Variants in DLG2 observed in about 807,000 individuals in gnomAD.
The protein encoded by DLG2 is disks large homolog 2.
DLG2 carries 45 observed loss-of-function variants against 132.5 expected under a neutral mutation model. The ratio of observed to expected loss-of-function variants is 0.34; its 90% confidence interval spans 0.27 to 0.44. The LOEUF is 0.44. Ranked by LOEUF, DLG2 falls within the 20% of genes least tolerant of loss-of-function variation. The pLI is 1.00. For missense variants in DLG2, 1,045 were observed against 1,196.9 expected, an observed-to-expected ratio of 0.87 and a Z score of 1.87; for synonymous variants, 424 against 419.6, an observed-to-expected ratio of 1.01 and a Z score of -0.13.
At chr11:85,097,835 G>A (rs1311121455) in intron 6 of DLG2, among the ~76,000 whole-genome samples, 1 of 152,196 alleles carries the variant, frequency 6.6e-6, no homozygotes, top group Admixed American at 6.5e-5. Context: ...TTTGGAGGAG[G>A]AAAGTGGTGA....
intron 6 of DLG2, among the ~76,000 whole-genome samples, chr11:84,914,821 G>T (rs2092351130): frequency 6.6e-6 from 1 of 152,170 alleles, no homozygotes; most frequent in Non-Finnish European, 1.5e-5. Flanking sequence ...GTAAAAATAG[G>T]TTTAATAGAA....
intron 3 of DLG2, among the ~76,000 whole-genome samples, chr11:85,355,524 A>G (rs543826595): frequency 6.6e-6 from 1 of 152,194 alleles, no homozygotes; most frequent in Non-Finnish European, 1.5e-5. Flanking sequence ...TGGTCTAATC[A>G]ACTTTAAATT....
intron 6 of DLG2, among the ~76,000 whole-genome samples, chr11:84,724,512 C>A (rs895843018): frequency 3.3e-5 from 5 of 152,164 alleles, no homozygotes; most frequent in Non-Finnish European, 7.3e-5. Flanking sequence ...TTGAATCAGT[C>A]ATGAGAGAAT....
chr11:84,745,423 C>T (rs1434331847), intron 6 of DLG2, among the ~76,000 whole-genome samples: 3 of 152,188 alleles, frequency 2.0e-5, no homozygotes, highest in Non-Finnish European at 4.4e-5. Flanking sequence ...GTTCCCCTTT[C>T]ACCTCCTGCC....
chr11:83,546,266 C>A (rs781533471), intron 19 of DLG2, among the ~76,000 whole-genome samples: 36 of 152,216 alleles, frequency 2.4e-4, no homozygotes, highest in Admixed American at 1.0e-3. Flanking sequence ...TATTCATTGT[C>A]TCACTCAATT....
intron 6 of DLG2, among the ~76,000 whole-genome samples, chr11:84,976,627 G>A (rs1216720024): frequency 6.6e-6 from 1 of 152,034 alleles, no homozygotes; most frequent in East Asian, 1.9e-4. Flanking sequence ...TTATTTTAAA[G>A]TTGTTTTATG....
At chr11:84,407,204 C>G (rs937612438) in intron 7 of DLG2, among the ~76,000 whole-genome samples, 1 of 152,140 alleles carries the variant, frequency 6.6e-6, no homozygotes, top group Admixed American at 6.5e-5. Context: ...CTCCCCAAAC[C>G]TGGAAGTCTG....
At chr11:84,855,900 T>C (rs2082723631) in intron 6 of DLG2, among the ~76,000 whole-genome samples, 1 of 151,990 alleles carries the variant, frequency 6.6e-6, no homozygotes, top group East Asian at 1.9e-4. Context: ...AACGTGGAAA[T>C]TTCATAGAAC....
intron 4 of DLG2, among the ~76,000 whole-genome samples, chr11:85,154,902 C>T (rs1566944373): frequency 6.6e-6 from 1 of 152,094 alleles, no homozygotes; most frequent in Admixed American, 6.6e-5. Flanking sequence ...GAGTGTTGAA[C>T]ATGGGCTATT....
chr11:85,330,792 TA>T (rs56995757), intron 3 of DLG2, among the ~76,000 whole-genome samples: 46,653 of 116,310 alleles, frequency 0.4, 6,723 homozygotes, highest in East Asian at 0.5. Flanking sequence ...AAAAAAAAAT[TA>T]AAAAAAAAAA....
chr11:83,884,257 G>A (rs545974705), intron 15 of DLG2, among the ~76,000 whole-genome samples: 14 of 152,296 alleles, frequency 9.2e-5, no homozygotes, highest in African/African-American at 2.6e-4. Context: ...GCGCTTTTCC[G>A]ACGGGCTTAA....
chr11:83,639,686 A>AT (rs2065900582), intron 18 of DLG2, among the ~76,000 whole-genome samples: 2 of 151,996 alleles, frequency 1.3e-5, no homozygotes, highest in South Asian at 2.1e-4. Flanking sequence ...GCAGCACACC[A>AT]ACATGGCACA....
chr11:83,484,286 C>T (rs1466467484), intron 21 of DLG2, 58 bp from the exon 22 acceptor site: 1 of 1,242,130 alleles, frequency 8.1e-7, no homozygotes, highest in African/African-American at 1.5e-5. Context: ...TTGTCACACT[C>T]ATGCTGACAA....
At chr11:84,366,971 A>G (rs1311169355) in intron 7 of DLG2, among the ~76,000 whole-genome samples, 1 of 152,190 alleles carries the variant, frequency 6.6e-6, no homozygotes, top group Admixed American at 6.6e-5. Context: ...CCTAATAGGC[A>G]TCTCTACAGA....
intron 6 of DLG2, among the ~76,000 whole-genome samples, chr11:84,790,217 T>A (rs1313598978): frequency 6.6e-6 from 1 of 152,112 alleles, no homozygotes; most frequent in East Asian, 1.9e-4. Flanking sequence ...TGTAGGAGAG[T>A]TCTCTTTTCC....
chr11:85,233,052 CTG>C (rs1053486407), intron 4 of DLG2, among the ~76,000 whole-genome samples: 8 of 151,764 alleles, frequency 5.3e-5, no homozygotes, highest in African/African-American at 1.9e-4. Flanking sequence ...CTTTTTGTAC[CTG>C]TGATTTCTTT....
chr11:84,824,910 C>T (rs558078720), intron 6 of DLG2, among the ~76,000 whole-genome samples: 1 of 151,982 alleles, frequency 6.6e-6, no homozygotes, highest in Non-Finnish European at 1.5e-5. Context: ...GGGAATTAAG[C>T]ATTTGTTCTC....
At chr11:84,724,791 T>C (rs1331317131) in intron 6 of DLG2, among the ~76,000 whole-genome samples, 1 of 152,184 alleles carries the variant, frequency 6.6e-6, no homozygotes, top group Non-Finnish European at 1.5e-5. Flanking sequence ...TATTTCTTCC[T>C]CATGTTAGAT....
intron 7 of DLG2, among the ~76,000 whole-genome samples, chr11:84,280,691 TG>T (rs926107888): frequency 2.9e-5 from 2 of 69,912 alleles, no homozygotes; most frequent in African/African-American, 8.2e-5. Context: ...TATAAATAAC[TG>T]TTTTTTTGTT....
Sources: gnomAD v4.1 joint callset for allele counts (sites outside exome capture counted in the v4.1 genomes callset) on GRCh38, gnomAD v4.1.1 for gene constraint, MANE v1.5 for transcripts, NCBI Gene and HGNC (gene_info 2026-07-23, HGNC 2026-07-21) for gene names.